Variants in CDH20 observed in about 807,000 individuals in gnomAD.
The protein encoded by CDH20 is cadherin 20, also known as cadherin-20.
Under a neutral mutation model 74.2 loss-of-function variants are expected in CDH20, and 29 were observed. The observed-to-expected ratio is 0.39, with a 90% CI of 0.29 to 0.53. The LOEUF is 0.53. CDH20 is among the 20% of genes least tolerant of loss of function. The pLI, the probability that CDH20 is intolerant of heterozygous loss-of-function variation, is 0.69. For missense variants in CDH20, 988 were observed against 1,048.3 expected (o/e 0.94, Z 0.79); for synonymous variants, 469 against 405.4 (o/e 1.16, Z -1.88).
chr18:61,334,672 C>G (rs1186980356), intron 1 of CDH20, among the ~76,000 whole-genome samples: 1 of 152,046 alleles, frequency 6.6e-6, no homozygotes, highest in Non-Finnish European at 1.5e-5. Flanking sequence ...TCTGGGGCAG[C>G]AGTGGGGGCT....
rs577598856 is a variant in CDH20, at chr18:61,473,045, T to C, written c.-152-17357T>C. Among the ~76,000 whole-genome samples, 19 of 152,332 alleles carry C rather than the reference T, an allele frequency of 1.2e-4. 1 individual carries two copies. In the South Asian group the frequency reaches 3.9e-3, roughly 32 times the overall value. Reference sequence around the variant, plus strand: ...GAGTCTAAAGTAGTTTTTGCTCAAATAATATCAAAGGCATCTGATTAAACA... The same window carrying C: ...GAGTCTAAAGTAGTTTTTGCTCAAACAATATCAAAGGCATCTGATTAAACA... On this transcript the variant is annotated intron_variant, in intron 1 of 11. Coordinates refer to ENST00000262717, the MANE Select transcript of CDH20 (RefSeq NM_031891.4).
chr18:61,527,023 A>C (rs370067214), intron 6 of CDH20, among the ~76,000 whole-genome samples: 6 of 152,122 alleles, frequency 3.9e-5, no homozygotes, highest in Non-Finnish European at 5.9e-5. Flanking sequence ...TCTACTAAAA[A>C]TGCAAAATTA....
chr18:61,367,023 G>C (rs1910884839), intron 1 of CDH20, among the ~76,000 whole-genome samples: 1 of 152,112 alleles, frequency 6.6e-6, no homozygotes, highest in Non-Finnish European at 1.5e-5. Context: ...GGATTATAAA[G>C]TAATTTCAGA....
At chr18:61,446,992 T>G (rs1029939183) in intron 1 of CDH20, among the ~76,000 whole-genome samples, 7 of 152,228 alleles carry the variant, frequency 4.6e-5, no homozygotes, top group African/African-American at 1.7e-4. Context: ...TTTTTCAATC[T>G]GCACAGGAGT....
chr18:61,466,760 G>T (rs147602456), intron 1 of CDH20, among the ~76,000 whole-genome samples: 1 of 152,158 alleles, frequency 6.6e-6, no homozygotes, highest in South Asian at 2.1e-4. Context: ...AGAAATTAGC[G>T]CACAACTACA....
intron 6 of CDH20, among the ~76,000 whole-genome samples, chr18:61,517,385 C>G (rs1912034897): frequency 6.6e-6 from 1 of 152,174 alleles, no homozygotes; most frequent in South Asian, 2.1e-4. Context: ...ATCTGAGGTA[C>G]CCGGCTCATC....
chr18:61,430,858 G>T (rs1913230021), intron 1 of CDH20, among the ~76,000 whole-genome samples: 1 of 151,930 alleles, frequency 6.6e-6, no homozygotes, highest in Non-Finnish European at 1.5e-5. Flanking sequence ...GGTGTTTCCT[G>T]CCCCAATCCT....
Position 61,353,583 on chromosome 18 carries a change from C to T in CDH20, c.-153+19756C>T, listed in dbSNP as rs1376285635. Among the ~76,000 whole-genome samples the T allele has an allele frequency of 6.6e-6, 1 of 152,204 alleles. No individual in the cohort carries two copies. The highest frequency in any genetic ancestry group is 2.4e-5 in the African/African-American group (1 of 41,448). On this transcript the variant is annotated intron_variant, in intron 1 of 11. Coordinates refer to ENST00000262717, the MANE Select transcript of CDH20 (RefSeq NM_031891.4). This position sits in a 1 kb window ranked among gnomAD's most constrained non-coding sequence, Gnocchi z 4.6. ...ACAGTGTGTATCACAGTGCTTTGCA[C>T]ATATTTTAGTGTTTGTTAAGATTTT... is the stretch of plus-strand genomic sequence containing the variant.
chr18:61,486,078 A>AAAAT (rs1313973199), intron 1 of CDH20, among the ~76,000 whole-genome samples: 4 of 152,212 alleles, frequency 2.6e-5, no homozygotes, highest in African/African-American at 9.6e-5. Flanking sequence ...ATCTCAAAAA[A>AAAAT]AAAATAAAAT....
chr18:61,473,472 C>T (rs1568154088), intron 1 of CDH20, among the ~76,000 whole-genome samples: 3 of 152,078 alleles, frequency 2.0e-5, no homozygotes, highest in African/African-American at 7.2e-5. Context: ...AAAGTTTACA[C>T]GGGTTTCTTT....
At chr18:61,341,951 T>G (rs1235884559) in intron 1 of CDH20, among the ~76,000 whole-genome samples, 1 of 152,174 alleles carries the variant, frequency 6.6e-6, no homozygotes, top group African/African-American at 2.4e-5. Flanking sequence ...TCTAAAAATA[T>G]GAGGCATACT....
At chr18:61,451,051 T>C (rs1909369014) in intron 1 of CDH20, among the ~76,000 whole-genome samples, 1 of 152,078 alleles carries the variant, frequency 6.6e-6, no homozygotes, top group African/African-American at 2.4e-5. Context: ...GTCAAAGAAT[T>C]GGTAAAGTTT....
At chr18:61,487,840 A>C (rs1214526119) in intron 1 of CDH20, among the ~76,000 whole-genome samples, 2 of 152,070 alleles carry the variant, frequency 1.3e-5, no homozygotes, top group African/African-American at 4.8e-5. Context: ...CCTAGTTAGA[A>C]ATGGGGAATA....
intron 5 of CDH20, among the ~76,000 whole-genome samples, chr18:61,503,716 A>C (rs969969496): frequency 6.6e-6 from 1 of 152,194 alleles, no homozygotes; most frequent in Non-Finnish European, 1.5e-5. Flanking sequence ...ACTTGGGAGG[A>C]CACATCCTAC....
intron 1 of CDH20, among the ~76,000 whole-genome samples, chr18:61,390,709 C>T (rs1911752205): frequency 6.6e-6 from 1 of 152,086 alleles, no homozygotes; most frequent in Non-Finnish European, 1.5e-5. Flanking sequence ...AAAAAGATAG[C>T]ATTTCTAATC....
At position 61,500,519 on chromosome 18, in the gene CDH20, T is replaced by C. The variant is rs775926736; in HGVS notation, c.661+17T>C. The C allele has an allele frequency of 6.2e-6, 10 of 1,602,506 alleles. No individual in the cohort carries two copies. In the African/African-American group the frequency reaches 1.3e-4, roughly 21 times the overall value. On this transcript the variant is annotated intron_variant, in intron 4 of 11. Transcript: ENST00000262717. Reference sequence around the variant, plus strand: ...CTAAAACAGGTATCTGATACAAGGGTCGAGTCAGAGGTGTTTATTCCCTGA... The same window carrying C: ...CTAAAACAGGTATCTGATACAAGGGCCGAGTCAGAGGTGTTTATTCCCTGA...
chr18:61,544,731 G>A (rs569925596), intron 9 of CDH20, among the ~76,000 whole-genome samples: 11 of 152,180 alleles, frequency 7.2e-5, no homozygotes, highest in Middle Eastern at 3.4e-3. Context: ...AAGTTCATAT[G>A]GGTACAGAAT....
At chr18:61,375,940 A>C in intron 1 of CDH20, among the ~76,000 whole-genome samples, 1 of 152,164 alleles carries the variant, frequency 6.6e-6, no homozygotes, top group East Asian at 1.9e-4. Flanking sequence ...AGACTTAATT[A>C]TTTAAGTTTT....
At chr18:61,445,517 G>T (rs138562177) in intron 1 of CDH20, among the ~76,000 whole-genome samples, 1 of 152,044 alleles carries the variant, frequency 6.6e-6, no homozygotes, top group African/African-American at 2.4e-5. Flanking sequence ...ATCCCACAAG[G>T]TCCCATTATT....
Sources: allele counts gnomAD v4.1 joint callset (sites outside exome capture counted in the v4.1 genomes callset), GRCh38; gene constraint gnomAD v4.1.1; non-coding constraint Gnocchi (gnomAD v3.1); transcripts MANE v1.5; gene names NCBI Gene and HGNC (gene_info 2026-07-23, HGNC 2026-07-21).